SFMBT1: variants seen among roughly 807,000 people sequenced by gnomAD.
SFMBT1 encodes Scm like with four mbt domains 1.
Under a neutral mutation model 108.7 loss-of-function variants are expected in SFMBT1, and 32 were observed. The observed-to-expected ratio is 0.29, with a 90% CI of 0.22 to 0.40. The LOEUF (loss-of-function observed/expected upper bound fraction) is 0.40. SFMBT1 is among the 10% of genes least tolerant of loss of function. The pLI is 1.00. For missense variants in SFMBT1, 816 were observed against 1,059.6 expected, an observed-to-expected ratio of 0.77 and a Z score of 3.19; for synonymous variants, 348 against 369.5, an observed-to-expected ratio of 0.94 and a Z score of 0.67.
At chr3:52,939,439 T>C (rs1272191494) in intron 4 of SFMBT1, among the ~76,000 whole-genome samples, 2 of 152,104 alleles carry the variant, frequency 1.3e-5, no homozygotes, top group Non-Finnish European at 2.9e-5. Flanking sequence ...CTGGGCATGG[T>C]GGCATGTACC....
rs530816646 is a variant in SFMBT1, at chr3:52,906,244, T to A, written c.2332-3A>T. The A allele has an allele frequency of 3.7e-6, 6 of 1,613,920 alleles. No individual in the cohort carries two copies. The Admixed American group carries it at 1.0e-4, about 27-fold the overall frequency. On this transcript the variant is annotated splice_polypyrimidine_tract_variant and splice_region_variant and intron_variant, in intron 19 of 20. Coordinates refer to ENST00000394752, the MANE Select transcript of SFMBT1 (RefSeq NM_016329.4). Reference sequence around the variant, plus strand: ...TCAGCAACTTCGATCCTTATTTCCTTCATTCCCCACAACACAATCAAACCA... The same window carrying A: ...TCAGCAACTTCGATCCTTATTTCCTACATTCCCCACAACACAATCAAACCA...
intron 4 of SFMBT1, among the ~76,000 whole-genome samples, chr3:52,940,275 A>G (rs115754073): frequency 0.022 from 3,342 of 152,350 alleles, 50 homozygotes; most frequent in Non-Finnish European, 0.035. Context: ...TTCGTTTCCA[A>G]ATACCATTCT....
chr3:52,976,683 G>C (rs1704530237), intron 1 of SFMBT1, among the ~76,000 whole-genome samples: 1 of 151,604 alleles, frequency 6.6e-6, no homozygotes. Context: ...ACAAGCTACA[G>C]AAAAAAAACT....
At chr3:52,986,376 C>T (rs1704915471) in intron 1 of SFMBT1, among the ~76,000 whole-genome samples, 1 of 152,088 alleles carries the variant, frequency 6.6e-6, no homozygotes, top group Non-Finnish European at 1.5e-5. Flanking sequence ...TTAACCTTAG[C>T]TTACTGTAAC....
chr3:52,958,920 T>C (rs1703870989), intron 2 of SFMBT1, among the ~76,000 whole-genome samples: 1 of 152,100 alleles, frequency 6.6e-6, no homozygotes, highest in Admixed American at 6.5e-5. Flanking sequence ...ACCTGGTACA[T>C]ATACACCATG....
chr3:52,989,435 AAAAGAAAG>A (rs60383345), intron 1 of SFMBT1, among the ~76,000 whole-genome samples: 17 of 137,796 alleles, frequency 1.2e-4, no homozygotes, highest in South Asian at 4.6e-4. Flanking sequence ...AAAAAAAAAA[AAAAGAAAG>A]AAAGAAAGAA....
rs761259233 is a variant in SFMBT1, at chr3:52,987,192, TC to T, written c.-130-17935del. ...TCTGGAATACCTCCTGAAGGACCTG[TC>T]TGAGGCTGGCTTACAGTTAATTTTT... On this transcript the variant is annotated intron_variant, in intron 1 of 20. Transcript: ENST00000394752. Among the ~76,000 whole-genome samples the T allele has an allele frequency of 1.4e-4, 22 of 152,200 alleles. No homozygotes were observed. The East Asian group carries it at 2.3e-3, about 16-fold the overall frequency.
At chr3:52,967,799 C>A (rs1379005698) in intron 2 of SFMBT1, among the ~76,000 whole-genome samples, 1 of 152,144 alleles carries the variant, frequency 6.6e-6, no homozygotes, top group African/African-American at 2.4e-5. Context: ...ATCAGAATGG[C>A]TTAAACAAAA....
chr3:53,016,079 C>G (rs1434139366), intron 1 of SFMBT1, among the ~76,000 whole-genome samples: 1 of 151,608 alleles, frequency 6.6e-6, no homozygotes. Context: ...TAGCACCCTA[C>G]TTTTAGCAGT....
intron 2 of SFMBT1, among the ~76,000 whole-genome samples, chr3:52,955,084 G>T (rs963717475): frequency 6.6e-6 from 1 of 152,032 alleles, no homozygotes; most frequent in African/African-American, 2.4e-5. Context: ...AGGAGATAGA[G>T]ACACGAAAAA....
At chr3:52,945,600 G>T (rs1257832119) in intron 3 of SFMBT1, among the ~76,000 whole-genome samples, 1 of 151,958 alleles carries the variant, frequency 6.6e-6, no homozygotes, top group Non-Finnish European at 1.5e-5. Context: ...GAGGTCAGGA[G>T]ATCGAGACCA....
intron 1 of SFMBT1, among the ~76,000 whole-genome samples, chr3:52,975,745 GTGT>G (rs1704496690): frequency 6.6e-6 from 1 of 152,136 alleles, no homozygotes; most frequent in African/African-American, 2.4e-5. Flanking sequence ...GGGATTACAG[GTGT>G]GTGCTACCAC....
At chr3:52,973,198 C>G (rs1225656499) in intron 1 of SFMBT1, among the ~76,000 whole-genome samples, 1 of 151,678 alleles carries the variant, frequency 6.6e-6, no homozygotes, top group Non-Finnish European at 1.5e-5. Context: ...GCCTGGGCAA[C>G]AGAGACAGAC....
intron 1 of SFMBT1, among the ~76,000 whole-genome samples, chr3:52,986,577 C>T (rs1704922498): frequency 6.6e-6 from 1 of 151,594 alleles, no homozygotes. Flanking sequence ...ACCAGCCTGG[C>T]CAACATGGCA....
intron 3 of SFMBT1, among the ~76,000 whole-genome samples, chr3:52,953,424 A>G (rs1012916635): frequency 7.2e-6 from 1 of 139,166 alleles, no homozygotes; most frequent in African/African-American, 2.6e-5. Flanking sequence ...GGAGTGAGAC[A>G]CTGACCCCCT....
chr3:52,906,613 G>A (rs2106756174), intron 19 of SFMBT1, among the ~76,000 whole-genome samples: 1 of 152,230 alleles, frequency 6.6e-6, no homozygotes, highest in South Asian at 2.1e-4. Flanking sequence ...AAGCAATCTA[G>A]TTTTTGAACA....
chr3:53,040,663 T>C lies in SFMBT1; in HGVS notation c.-131+5153A>G, dbSNP rs190742255. ...AAAAGACCCAATGCACACAGTACTG[T>C]GCATCATGTTGGAAATATCACCTTA... On this transcript the variant is annotated intron_variant, in intron 1 of 20. Transcript: ENST00000394752. 0.012 allele frequency among the ~76,000 whole-genome samples: 1,870 copies of C among 151,666 alleles called. 128 individuals are homozygous for C. In the South Asian group the frequency reaches 0.18, roughly 15 times the overall value.
chr3:52,954,607 C>T (rs1425154099), intron 2 of SFMBT1, among the ~76,000 whole-genome samples, 196 bp from the exon 3 acceptor site: 4 of 152,088 alleles, frequency 2.6e-5, no homozygotes, highest in African/African-American at 9.7e-5. Flanking sequence ...TGATTGTCAA[C>T]GAATCTTCAC....
chr3:52,930,088 G>A (rs920048796), intron 8 of SFMBT1, among the ~76,000 whole-genome samples: 5 of 152,124 alleles, frequency 3.3e-5, no homozygotes, highest in African/African-American at 9.7e-5. Context: ...CAAAGAATGC[G>A]TCCCCTACTA....
Sources: gnomAD v4.1 joint callset for allele counts (sites outside exome capture counted in the v4.1 genomes callset) on GRCh38, gnomAD v4.1.1 for gene constraint, MANE v1.5 for transcripts, NCBI Gene and HGNC (gene_info 2026-07-23, HGNC 2026-07-21) for gene names.